SPEG: variants seen among roughly 807,000 people sequenced by gnomAD.
The protein encoded by SPEG is striated muscle enriched protein kinase, also known as striated muscle preferentially expressed protein kinase.
In SPEG, 114 loss-of-function variants were observed where a neutral mutation model predicts 300.4. The observed-to-expected ratio is 0.38, with a 90% CI of 0.33 to 0.44. The LOEUF is 0.44. Among genes scored for constraint, SPEG ranks in the 20% least tolerant of loss-of-function variants. The pLI is 1.00. For synonymous variants in SPEG, 1,964 were observed against 2,018.9 expected, an observed-to-expected ratio of 0.97 and a Z score of 0.73; for missense variants, 4,201 against 4,586.2, an observed-to-expected ratio of 0.92 and a Z score of 2.43.
At position 219,483,005 on chromosome 2, in the gene SPEG, G is replaced by A. The variant is rs955689653; in HGVS notation, c.5635-93G>A. 4.1e-6 allele frequency: 6 copies of A among 1,456,952 alleles called. No homozygotes were observed. In the African/African-American group the frequency reaches 7.0e-5, roughly 17 times the overall value. The allele number at this position is 1,456,952 out of a possible 1,614,324, so 90.3% of individuals were successfully genotyped here. A position where few individuals can be genotyped will look rare whatever the true frequency, so the allele number is the denominator to read the frequency against. On this transcript the variant is annotated intron_variant, in intron 29 of 40. Coordinates refer to ENST00000312358, the MANE Select transcript of SPEG (RefSeq NM_005876.5). ...CTGCCTGTTCCCTGACCCTCTGCAT[G>A]CTCAGGCCTCTTCCCCAGGGCTGAG...
At chr2:219,455,094 AAAAT>A (rs553658522) in intron 6 of SPEG, among the ~76,000 whole-genome samples, 5 of 152,162 alleles carry the variant, frequency 3.3e-5, no homozygotes, top group Admixed American at 6.5e-5. Flanking sequence ...ACTCTGTCTC[AAAAT>A]AAATAAATAA....
intron 15 of SPEG, 111 bp downstream of exon 15, chr2:219,472,442 C>A: frequency 1.1e-6 from 1 of 902,308 alleles, no homozygotes; most frequent in Non-Finnish European, 1.7e-6. Context: ...GGGGCAGGAG[C>A]TGATGGAATG....
In SPEG at chr2:219,473,673, G is replaced by A. The variant is rs1692088584; in HGVS notation, c.4271+46G>A. ...TGGCAGCCCAGGTCTGGCCCAGCCT[G>A]GCCGGAATGCCCTGGGGCAAGATCT... On this transcript the variant is annotated intron_variant, in intron 17 of 40. Coordinates refer to ENST00000312358, the MANE Select transcript of SPEG (RefSeq NM_005876.5). The surrounding 1 kb of genome is among the most constrained non-coding windows in gnomAD (Gnocchi z 4.6). 6.2e-7 allele frequency: 1 copy of A among 1,613,582 alleles called. No homozygotes were observed. Among genetic ancestry groups the A allele is most frequent in the South Asian group, 1.1e-5 (1 of 91,080 alleles).
Position 219,483,338 on chromosome 2 carries a change from G to C in SPEG, c.5875G>C (p.Ala1959Pro). 1 of 1,605,784 alleles carries C rather than the reference G, an allele frequency of 6.2e-7. No individual in the cohort carries two copies. The highest frequency in any genetic ancestry group is 1.7e-5 in the Admixed American group (1 of 59,160). The part of the protein sequence containing the change: ...SLTDIPTEDE[A>P]LGTPETGAAT... ...CACAGACATTCCCACTGAGGATGAGGCCCTGGGGACCCCAGAGACTGGGGC... is the reference window on the plus strand; with the variant it reads ...CACAGACATTCCCACTGAGGATGAGCCCCTGGGGACCCCAGAGACTGGGGC... Residue 1959 changes from alanine to proline, a missense_variant, in exon 30 of 41, where the codon GCC (alanine) becomes CCC (proline). This residue lies in a region of SPEG where 1,578 missense variants were observed against 1,506.0 expected (regional missense o/e 1.05). Transcript: ENST00000312358.
At position 219,447,960 on chromosome 2, in the gene SPEG, T is replaced by C; in HGVS notation, c.816-14T>C. ...CCCCTGAATCCTCTACCCTTCTCCA[T>C]CTTGGTTCTGCAGCAGCGTCCCTCA... On this transcript the variant is annotated splice_polypyrimidine_tract_variant and intron_variant, in intron 3 of 40. Transcript: ENST00000312358. 6.2e-7 allele frequency: 1 copy of C among 1,611,602 alleles called. No individual in the cohort carries two copies. Among genetic ancestry groups the C allele is most frequent in the Non-Finnish European group, 8.5e-7 (1 of 1,179,336 alleles).
At chr2:219,450,995 T>A in intron 4 of SPEG, 141 bp from the exon 5 acceptor site, 1 of 811,954 alleles carries the variant, frequency 1.2e-6, no homozygotes, top group Non-Finnish European at 1.8e-6. Flanking sequence ...AGGCAGACCC[T>A]CTTCTCCCCA....
intron 10 of SPEG, among the ~76,000 whole-genome samples, chr2:219,467,698 T>G (rs141122247): frequency 6.6e-6 from 1 of 152,268 alleles, no homozygotes; most frequent in Non-Finnish European, 1.5e-5. Context: ...ACGCCTGCCC[T>G]GCAAGTCACC....
At chr2:219,441,628 G>C (rs1203362101) in intron 1 of SPEG, 1 of 469,232 alleles carries the variant, frequency 2.1e-6, no homozygotes, top group African/African-American at 2.0e-5. Flanking sequence ...TGGGCTGCCA[G>C]AAAGTGGCCT....
In SPEG at chr2:219,484,906, G is replaced by C; in HGVS notation, c.7443G>C (p.Ser2481=). The C allele has an allele frequency of 1.3e-6, 2 of 1,525,490 alleles. No individual in the cohort carries two copies. The highest frequency in any genetic ancestry group is 1.7e-6 in the Non-Finnish European group (2 of 1,143,644). The allele number at this position is 1,525,490 out of a possible 1,614,324, so 94.5% of individuals were successfully genotyped here. ...SGSSEDSGGA[S]GRSTPLFGRL... is the part of the protein sequence containing the mutation. ...GCAGCGAGGACTCGGGGGGCGCGTC[G>C]GGCCGCAGCACGCCGCTGTTCGGAC... The change falls in exon 30 of 41, where the codon TCG becomes TCC. Residue 2481 remains serine, a synonymous_variant. Transcript: ENST00000312358.
chr2:219,464,586 C>T lies in SPEG; in HGVS notation c.2859C>T (p.Cys953=), dbSNP rs35665419. Residue 953 remains cysteine, a synonymous_variant, in exon 9 of 41, where the codon TGC becomes TGT. Coordinates refer to ENST00000312358, the MANE Select transcript of SPEG (RefSeq NM_005876.5). This position sits in a 1 kb window ranked among gnomAD's most constrained non-coding sequence, Gnocchi z 4.5. ...TCAATGAGTATGGTGCTCGGCAGTG[C>T]GAGGCCCGCTTGGAGGTCCGAGGTG... is the stretch of plus-strand genomic sequence containing the variant. ...KAVNEYGARQ[C]EARLEVRAHP... 5.4e-4 allele frequency: 875 copies of T among 1,614,098 alleles called. 6 individuals are homozygous for T. The African/African-American group carries it at 1.0e-2, about 18-fold the overall frequency.
intron 18 of SPEG, 145 bp from the exon 19 acceptor site, chr2:219,476,725 G>C (rs1337907714): frequency 2.7e-5 from 16 of 602,392 alleles, no homozygotes; most frequent in African/African-American, 3.8e-5. Context: ...TGGTGGGGGT[G>C]GGGGGTGGTG....
chr2:219,462,151 A>T, intron 7 of SPEG, 94 bp downstream of exon 7: 1 of 1,213,228 alleles, frequency 8.2e-7, no homozygotes, highest in Non-Finnish European at 1.2e-6. Context: ...CAACATCAAG[A>T]CCTGGAACTT....
At position 219,484,056 on chromosome 2, in the gene SPEG, C is replaced by T. The variant is rs2125557061; in HGVS notation, c.6593C>T (p.Thr2198Ile). The change falls in exon 30 of 41, where the codon ACA becomes ATA. Residue 2198 changes from threonine to isoleucine, a missense_variant. Physicochemically the swap from Thr to Ile is moderately conservative, Grantham distance 89. Transcript: ENST00000312358. The stretch of plus-strand genomic sequence containing the variant: ...AAGTCTGCAGAACCTTCTGCCACCA[C>T]ACCTAGTGATGCTCCGCAGCCCCCC... ...TPKSAEPSAT[T>I]PSDAPQPPAP... 5 of 1,613,720 alleles carry T rather than the reference C, an allele frequency of 3.1e-6. No individual in the cohort carries two copies. Among genetic ancestry groups the T allele is most frequent in the Non-Finnish European group, 4.2e-6 (5 of 1,179,896 alleles).
chr2:219,489,496 A>T lies in SPEG; in HGVS notation c.8478A>T (p.Thr2826=). The T allele has an allele frequency of 6.8e-7, 1 of 1,470,372 alleles. No homozygotes were observed. The highest frequency in any genetic ancestry group is 9.0e-7 in the Non-Finnish European group (1 of 1,107,618). The allele number at this position is 1,470,372 out of a possible 1,614,324, so 91.1% of individuals were successfully genotyped here. A position where few individuals can be genotyped will look rare whatever the true frequency, so the allele number is the denominator to read the frequency against. Residue 2826 remains threonine (T), a synonymous_variant, in exon 36 of 41, where the codon ACA becomes ACT. Transcript: ENST00000312358. ...CTGTCAGCCCCTCATCTCCCCCCAC[A>T]CCTCCTAGCCAGGCCTTGTCCTCGC... is the stretch of plus-strand genomic sequence containing the variant. ...SVTVSPSSPP[T]PPSQALSSLK...
intron 6 of SPEG, among the ~76,000 whole-genome samples, chr2:219,456,059 C>T (rs1690153449): frequency 6.6e-6 from 1 of 152,238 alleles, no homozygotes; most frequent in African/African-American, 2.4e-5. Context: ...AGGATCTTCA[C>T]ACCAGCCAGG....
Position 219,480,773 on chromosome 2 carries a change from C to A in SPEG, c.5369+76C>A. On this transcript the variant is annotated intron_variant, in intron 26 of 40. Transcript: ENST00000312358. The surrounding 1 kb of genome is among the most constrained non-coding windows in gnomAD (Gnocchi z 5.3). ...AACCTTTGCAGGGCTGCAGCCCACC[C>A]CCTTCTCTTCCGCACCCCCCACTCC... 7.3e-7 allele frequency: 1 copy of A among 1,374,590 alleles called. No homozygotes were observed. The highest frequency in any genetic ancestry group is 1.2e-5 in the South Asian group (1 of 86,196). The allele number at this position is 1,374,590 out of a possible 1,614,324, so 85.1% of individuals were successfully genotyped here.
rs769451082 is a variant in SPEG, at chr2:219,473,108, T to C, written c.4147+12T>C. 1.1e-5 allele frequency: 17 copies of C among 1,612,026 alleles called. No homozygotes were observed. The highest frequency in any genetic ancestry group is 8.3e-5 in the Admixed American group (5 of 59,890). ...GCTGCTGGAGCACGGTGAGCCTGGGTGCTCCTGTCGGGTGGGGGTGGGAGC... is the reference window on the plus strand; with the variant it reads ...GCTGCTGGAGCACGGTGAGCCTGGGCGCTCCTGTCGGGTGGGGGTGGGAGC... On this transcript the variant is annotated intron_variant, in intron 16 of 40. Coordinates refer to ENST00000312358, the MANE Select transcript of SPEG (RefSeq NM_005876.5). The surrounding 1 kb of genome is among the most constrained non-coding windows in gnomAD (Gnocchi z 4.6).
At position 219,448,512 on chromosome 2, in the gene SPEG, G is replaced by A. The variant is rs1302346799; in HGVS notation, c.1354G>A (p.Ala452Thr). ...ERGAPWGTPG[A>T]SQEELRAPGS... is the part of the protein sequence containing the mutation. ...CGGCGCACCGTGGGGCACCCCCGGG[G>A]CCTCGCAGGAAGAACTGCGGGCGCC... Residue 452 changes from alanine to threonine, a missense_variant, in exon 4 of 41, where the codon GCC becomes ACC. Physicochemically the swap from Ala to Thr is moderately conservative, Grantham distance 58 (BLOSUM62 0). Coordinates refer to ENST00000312358, the MANE Select transcript of SPEG (RefSeq NM_005876.5). 1.4e-6 allele frequency: 2 copies of A among 1,450,394 alleles called. No individual in the cohort carries two copies. The highest frequency in any genetic ancestry group is 1.4e-5 in the South Asian group (1 of 72,704). 89.8% of individuals were successfully genotyped at this position (1,450,394 alleles called of 1,614,324 possible).
At position 219,469,410 on chromosome 2, in the gene SPEG, C is replaced by T. The variant is rs1435991644; in HGVS notation, c.3715+31C>T. The stretch of plus-strand genomic sequence containing the variant: ...TGTCTGGGAAGTTCCCCGGGAGTGT[C>T]CCCTGCAGCACCCACTTGGCTTGCA... On this transcript the variant is annotated intron_variant, in intron 13 of 40. Transcript: ENST00000312358. 3.2e-6 allele frequency: 5 copies of T among 1,559,078 alleles called. No homozygotes were observed. The Admixed American group carries it at 6.9e-5, about 21-fold the overall frequency.
Sources: allele counts gnomAD v4.1 joint callset (sites outside exome capture counted in the v4.1 genomes callset), GRCh38; gene constraint gnomAD v4.1.1; regional missense constraint gnomAD v4.1.1; non-coding constraint Gnocchi (gnomAD v3.1); transcripts MANE v1.5; gene names NCBI Gene and HGNC (gene_info 2026-07-23, HGNC 2026-07-21).